The following SCFD1 variants were observed in gnomAD, a reference collection of about 807,000 sequenced individuals.
SCFD1 encodes the protein sec1 family domain-containing protein 1.
In SCFD1, 37 loss-of-function variants were observed where a neutral mutation model predicts 103.2. The observed-to-expected ratio is 0.36, with a 90% CI of 0.28 to 0.47. SCFD1 has a LOEUF of 0.47. Ranked by LOEUF, SCFD1 falls within the 20% of genes least tolerant of loss-of-function variation. The pLI is 1.00. For synonymous variants in SCFD1, 264 were observed against 245.0 expected (o/e 1.08, Z -0.73); for missense variants, 639 against 761.2 (o/e 0.84, Z 1.89).
At chr14:30,643,489 G>A (rs1042811403) in intron 7 of SCFD1, 84 bp downstream of exon 7, 18 of 940,446 alleles carry the variant, frequency 1.9e-5, no homozygotes, top group East Asian at 4.8e-5. Context: ...AATGTGATTC[G>A]TTCTCACTTA....
At chr14:30,731,867 C>G (rs369003418) in intron 23 of SCFD1, among the ~76,000 whole-genome samples, 7 of 152,278 alleles carry the variant, frequency 4.6e-5, no homozygotes, top group Middle Eastern at 3.4e-3. Flanking sequence ...CCTGATTGCC[C>G]TGGCCAGAAC....
At chr14:30,653,746 G>A (rs375891615) in intron 10 of SCFD1, 158 bp downstream of exon 10, 6 of 478,958 alleles carry the variant, frequency 1.3e-5, no homozygotes, top group African/African-American at 9.9e-5. Context: ...TACTGGGTGT[G>A]GATGCTGGAA....
chr14:30,674,040 G>A (rs1269888487), intron 13 of SCFD1, 43 bp downstream of exon 13: 16 of 1,465,570 alleles, frequency 1.1e-5, no homozygotes, highest in South Asian at 6.2e-5. Flanking sequence ...TCTGTTGATA[G>A]GATTTTTTTT....
intron 12 of SCFD1, among the ~76,000 whole-genome samples, 163 bp downstream of exon 12, chr14:30,673,510 TGAGAA>T (rs975717730): frequency 6.6e-6 from 1 of 152,146 alleles, no homozygotes; most frequent in African/African-American, 2.4e-5. Flanking sequence ...ATCTAAATAT[TGAGAA>T]GAGAAAAAAT....
chr14:30,657,977 AAAAAG>A, intron 10 of SCFD1: 1 of 402,416 alleles, frequency 2.5e-6, no homozygotes, highest in Admixed American at 3.2e-5. Context: ...GGTTAAAAAA[AAAAAG>A]AAAAAGCAAC....
rs1226433919 is a variant in SCFD1, at chr14:30,725,860, A to C, written c.1836+3301A>C. On this transcript the variant is annotated intron_variant, in intron 23 of 24. Transcript: ENST00000458591. ...AGCAGAAACCAAGGGAATATGACAG[A>C]AACCAGATGCAAACCGTCTCTATAA... Among the ~76,000 whole-genome samples the C allele has an allele frequency of 2.0e-5, 3 of 152,214 alleles. No homozygotes were observed. The East Asian group carries it at 5.8e-4, about 29-fold the overall frequency.
chr14:30,733,325 AACTGACAGAGT>A, intron 23 of SCFD1, among the ~76,000 whole-genome samples: 1 of 152,304 alleles, frequency 6.6e-6, no homozygotes, highest in East Asian at 1.9e-4. Flanking sequence ...TTCAATTTTT[AACTGACAGAGT>A]AAGTAAAGGG....
intron 23 of SCFD1, among the ~76,000 whole-genome samples, chr14:30,728,359 G>T (rs1439830750): frequency 6.6e-6 from 1 of 151,972 alleles, no homozygotes; most frequent in Non-Finnish European, 1.5e-5. Context: ...AACTGCACCT[G>T]CAGTAAAGTG....
chr14:30,697,023 G>C (rs1478902687), intron 15 of SCFD1, among the ~76,000 whole-genome samples: 1 of 152,058 alleles, frequency 6.6e-6, no homozygotes, highest in South Asian at 2.1e-4. Flanking sequence ...TAGTGTTTTC[G>C]CTATATATCT....
intron 14 of SCFD1, among the ~76,000 whole-genome samples, chr14:30,694,396 G>C (rs1004772637): frequency 2.0e-5 from 3 of 152,034 alleles, no homozygotes; most frequent in Non-Finnish European, 4.4e-5. Flanking sequence ...ATGAAAGCCA[G>C]GCACAGTTGC....
At chr14:30,636,427 A>G (rs770104940) in intron 4 of SCFD1, among the ~76,000 whole-genome samples, 6 of 152,030 alleles carry the variant, frequency 3.9e-5, no homozygotes, top group Non-Finnish European at 7.4e-5. Context: ...TAGGTGTCCA[A>G]CTTTATTCTT....
chr14:30,719,362 T>C lies in SCFD1; in HGVS notation c.1721T>C (p.Leu574Pro). ...DDYRYFDPKM[L>P]RGNDSSVPRN... ...TATAGATATTTTGATCCCAAAATGC[T>C]GCGGGGCAATGACAGGTAAGCAGCT... is the stretch of plus-strand genomic sequence containing the variant. Residue 574 changes from leucine to proline, a missense_variant, in exon 21 of 25, where the codon CTG (leucine) becomes CCG (proline). By Grantham distance (98) the Leu-to-Pro change is moderately conservative. Coordinates refer to ENST00000458591, the MANE Select transcript of SCFD1 (RefSeq NM_016106.4). 6.2e-7 allele frequency: 1 copy of C among 1,607,020 alleles called. No individual in the cohort carries two copies. Among genetic ancestry groups the C allele is most frequent in the Non-Finnish European group, 8.5e-7 (1 of 1,177,158 alleles).
intron 23 of SCFD1, among the ~76,000 whole-genome samples, chr14:30,723,258 C>T (rs1476325893): frequency 6.6e-6 from 1 of 151,968 alleles, no homozygotes; most frequent in African/African-American, 2.4e-5. Flanking sequence ...AGGCAGATGC[C>T]ACAGAGCTCC....
chr14:30,652,439 C>A (rs1886486777), intron 9 of SCFD1: 1 of 152,072 alleles, frequency 6.6e-6, no homozygotes, highest in South Asian at 2.1e-4. Context: ...ATTATGTTTT[C>A]ATTTTGTATA....
At chr14:30,663,829 T>G (rs1887665338) in intron 10 of SCFD1, among the ~76,000 whole-genome samples, 1 of 152,352 alleles carries the variant, frequency 6.6e-6, no homozygotes, top group African/African-American at 2.4e-5. Flanking sequence ...ATTAACTTCT[T>G]TATGCCTCAG....
At chr14:30,635,453 C>T (rs965680162) in intron 4 of SCFD1, among the ~76,000 whole-genome samples, 2 of 152,074 alleles carry the variant, frequency 1.3e-5, no homozygotes, top group African/African-American at 4.8e-5. Context: ...CCTAAGCTAC[C>T]TTCTGTTTCT....
chr14:30,706,028 C>CT, intron 18 of SCFD1, 143 bp downstream of exon 18: 7 of 569,554 alleles, frequency 1.2e-5, no homozygotes, highest in East Asian at 9.8e-5. Flanking sequence ...TGAAGTTCTC[C>CT]TGGTTTTTTT....
upstream of SCFD1, chr14:30,622,294 C>T (rs1306487638): frequency 1.3e-6 from 2 of 1,592,488 alleles, no homozygotes; most frequent in Non-Finnish European, 8.5e-7. Flanking sequence ...CCACGTCATC[C>T]CCCCGCTCCG....
At chr14:30,669,013 A>G (rs8018993) in intron 10 of SCFD1, among the ~76,000 whole-genome samples, 57,011 of 151,956 alleles carry the variant, frequency 0.38, 12,004 homozygotes, top group East Asian at 0.62. Flanking sequence ...AGGATCTAGA[A>G]CTAGAAATAC....
Sources: gnomAD v4.1 joint callset for allele counts (sites outside exome capture counted in the v4.1 genomes callset) on GRCh38, gnomAD v4.1.1 for gene constraint, MANE v1.5 for transcripts, NCBI Gene and HGNC (gene_info 2026-07-23, HGNC 2026-07-21) for gene names.